The following YTHDF2 variants were observed in gnomAD, a reference collection of about 807,000 sequenced individuals.
The protein encoded by YTHDF2 is YTH N6-methyladenosine RNA binding protein F2, also known as YTH domain-containing family protein 2.
Under a neutral mutation model 50.4 loss-of-function variants are expected in YTHDF2, and 2 were observed. The observed-to-expected ratio is 0.04, with a 90% confidence interval of 0.02 to 0.12. The LOEUF (loss-of-function observed/expected upper bound fraction) is 0.12, where lower values mean the gene tolerates loss of function less well. Ranked by LOEUF, YTHDF2 falls within the 10% of genes least tolerant of loss-of-function variation. The pLI is 1.00. For synonymous variants in YTHDF2, 217 were observed against 255.6 expected (o/e 0.85, Z 1.44); for missense variants, 483 against 722.6 (o/e 0.67, Z 3.80).
chr1:28,751,454 A>AT (rs1190002526), intron 4 of YTHDF2, among the ~76,000 whole-genome samples: 1 of 152,134 alleles, frequency 6.6e-6, no homozygotes, highest in African/African-American at 2.4e-5. Context: ...AAACATGAGC[A>AT]TTTTTTGTAA....
chr1:28,742,206 G>A (rs1414980641), intron 3 of YTHDF2, among the ~76,000 whole-genome samples, 197 bp from the exon 4 acceptor site: 1 of 151,960 alleles, frequency 6.6e-6, no homozygotes, highest in Admixed American at 6.6e-5. Context: ...TGTTGGCCAG[G>A]TTGGTCTCGA....
rs574816973 is a variant in YTHDF2, at chr1:28,742,281, C to T, written c.133-122C>T. On this transcript the variant is annotated intron_variant, in intron 3 of 4. Transcript: ENST00000373812. ...AAGTGTAGGGATTACAGGTGTGAGC[C>T]ACCGCGTCCGGCCTGCACACTCCTT... The T allele has an allele frequency of 4.9e-5, 64 of 1,293,500 alleles. No individual in the cohort carries two copies. The African/African-American group carries it at 9.1e-4, about 18-fold the overall frequency. The allele number at this position is 1,293,500 out of a possible 1,614,324, so 80.1% of individuals were successfully genotyped here.
At chr1:28,767,005 ATT>A (rs549118209) in intron 4 of YTHDF2, among the ~76,000 whole-genome samples, 8 of 131,820 alleles carry the variant, frequency 6.1e-5, no homozygotes, top group Admixed American at 2.3e-4. Flanking sequence ...TAATTAAAAG[ATT>A]TTTTTTTTTT....
rs1055752279 is a variant in YTHDF2 at position 28,758,642 on chromosome 1, C to T, written c.1717-10287C>T. On this transcript the variant is annotated intron_variant, in intron 4 of 4. Transcript: ENST00000373812. ...GTAAACAGTTCTGGATAATGCACAGCGACAGGTTATCATAAGTAGGACCGT... is the reference window on the plus strand; with the variant it reads ...GTAAACAGTTCTGGATAATGCACAGTGACAGGTTATCATAAGTAGGACCGT... 4.6e-5 allele frequency among the ~76,000 whole-genome samples: 7 copies of T among 152,190 alleles called. No homozygotes were observed. The East Asian group carries it at 5.8e-4, about 13-fold the overall frequency.
intron 4 of YTHDF2, 104 bp downstream of exon 4, chr1:28,744,090 C>T (rs924861671): frequency 3.3e-6 from 4 of 1,219,538 alleles, no homozygotes; most frequent in Admixed American, 3.8e-5. Context: ...TAAATGAATA[C>T]AGTATCACCT....
chr1:28,745,717 T>TCCCCCCC (rs1485365174), intron 4 of YTHDF2, among the ~76,000 whole-genome samples: 29 of 28,546 alleles, frequency 1.0e-3, no homozygotes, highest in South Asian at 2.2e-3. Flanking sequence ...AACTCCCATC[T>TCCCCCCC]CCCCCCGCCC....
chr1:28,763,429 A>G (rs1570480584), intron 4 of YTHDF2, among the ~76,000 whole-genome samples: 1 of 152,010 alleles, frequency 6.6e-6, no homozygotes, highest in Non-Finnish European at 1.5e-5. Flanking sequence ...GCCTGACACC[A>G]GGGCTGGCTA....
chr1:28,768,021 T>C (rs1414356460), intron 4 of YTHDF2, among the ~76,000 whole-genome samples: 1 of 148,490 alleles, frequency 6.7e-6, no homozygotes, highest in Non-Finnish European at 1.5e-5. Flanking sequence ...GCCAACATGG[T>C]GAAACCCCGT....
At chr1:28,738,588 G>C (rs1237412652) in intron 3 of YTHDF2, among the ~76,000 whole-genome samples, 2 of 152,128 alleles carry the variant, frequency 1.3e-5, no homozygotes, top group African/African-American at 2.4e-5. Context: ...GGGATTACAC[G>C]TGTGCACCAC....
intron 4 of YTHDF2, among the ~76,000 whole-genome samples, chr1:28,744,809 C>T (rs1475775997): frequency 6.6e-6 from 1 of 152,078 alleles, no homozygotes; most frequent in Non-Finnish European, 1.5e-5. Flanking sequence ...GCTGGGATCA[C>T]AGTCATGCAC....
In YTHDF2 at chr1:28,750,612, C is replaced by T. The variant is rs554399720; in HGVS notation, c.1716+6626C>T. ...GAAAGGTTGTTTCATAATTTCTGAC[C>T]GAAGTATTTGTTACACGTAAAATAA... is the stretch of plus-strand genomic sequence containing the variant. On this transcript the variant is annotated intron_variant, in intron 4 of 4. Coordinates refer to ENST00000373812, the MANE Select transcript of YTHDF2 (RefSeq NM_016258.3). Among the ~76,000 whole-genome samples the T allele has an allele frequency of 3.3e-5, 5 of 152,082 alleles. No homozygotes were observed. The East Asian group carries it at 5.8e-4, about 18-fold the overall frequency.
At chr1:28,752,340 C>T (rs1183930430) in intron 4 of YTHDF2, among the ~76,000 whole-genome samples, 2 of 152,066 alleles carry the variant, frequency 1.3e-5, no homozygotes, top group Non-Finnish European at 2.9e-5. Context: ...ACTTGTTGCC[C>T]AGGCTGGAGT....
rs1300550269 is a variant in YTHDF2 at position 28,743,205 on chromosome 1, A to G, written c.935A>G (p.Asn312Ser). Reference sequence around the variant, plus strand: ...CCTCAGCCTGTAGGTCAGCAGGCTAACAATAGCCCACCAGTGGCTCAGGCA... The same window carrying G: ...CCTCAGCCTGTAGGTCAGCAGGCTAGCAATAGCCCACCAGTGGCTCAGGCA... ...GSPQPVGQQA[N>S]NSPPVAQASV... Residue 312 changes from asparagine to serine, a missense_variant, in exon 4 of 5, where the codon AAC (asparagine) becomes AGC (serine). Physicochemically the swap from Asn to Ser is conservative, Grantham distance 46. Coordinates refer to ENST00000373812, the MANE Select transcript of YTHDF2 (RefSeq NM_016258.3). This position sits in a 1 kb window ranked among gnomAD's most constrained non-coding sequence, Gnocchi z 6.9. The G allele has an allele frequency of 6.2e-7, 1 of 1,614,088 alleles. No homozygotes were observed. Among genetic ancestry groups the G allele is most frequent in the African/African-American group, 1.3e-5 (1 of 74,944 alleles).
chr1:28,766,197 C>T (rs2088213180), intron 4 of YTHDF2, among the ~76,000 whole-genome samples: 2 of 152,144 alleles, frequency 1.3e-5, no homozygotes, highest in Admixed American at 1.3e-4. Flanking sequence ...CTTCATCTCC[C>T]CGGGCTTAAG....
At chr1:28,754,303 A>G (rs754553323) in intron 4 of YTHDF2, among the ~76,000 whole-genome samples, 20 of 152,208 alleles carry the variant, frequency 1.3e-4, no homozygotes, top group Non-Finnish European at 2.6e-4. Flanking sequence ...CAAGGTTGGC[A>G]GGTCATTTGA....
chr1:28,750,093 C>T (rs755336218), intron 4 of YTHDF2, among the ~76,000 whole-genome samples: 4 of 139,344 alleles, frequency 2.9e-5, no homozygotes, highest in African/African-American at 5.4e-5. Flanking sequence ...CAGGTTCAAG[C>T]GATTCTCCTG....
chr1:28,741,971 C>T (rs1011443457), intron 3 of YTHDF2, among the ~76,000 whole-genome samples: 1 of 151,824 alleles, frequency 6.6e-6, no homozygotes, highest in Non-Finnish European at 1.5e-5. Context: ...TTAAACATTT[C>T]AGTTATTACA....
intron 4 of YTHDF2, among the ~76,000 whole-genome samples, chr1:28,750,452 A>G (rs1197670345): frequency 1.3e-5 from 2 of 152,212 alleles, no homozygotes; most frequent in Non-Finnish European, 2.9e-5. Flanking sequence ...AAACTAAACT[A>G]GGGATGTTGT....
chr1:28,736,954 T>TCGGAGC lies in YTHDF2; in HGVS notation c.-159_-154dup, dbSNP rs1349683230. On this transcript the variant is annotated 5_prime_UTR_variant, in exon 1 of 5. Transcript: ENST00000373812. ...GCTCTTGGGCTAGAGCGTCGCCGAGTCGGAGCCGGAGCCTGAGCCGCGCGC... is the reference window on the plus strand; with the variant it reads ...GCTCTTGGGCTAGAGCGTCGCCGAGTCGGAGCCGGAGCCGGAGCCTGAGCCGCGCGC... The TCGGAGC allele has an allele frequency of 2.0e-4, 154 of 775,400 alleles. No homozygotes were observed. The Middle Eastern group carries it at 3.4e-3, about 17-fold the overall frequency. The allele number at this position is 775,400 out of a possible 1,614,324, so 48.0% of individuals were successfully genotyped here.
Sources: gnomAD v4.1 joint callset for allele counts (sites outside exome capture counted in the v4.1 genomes callset) on GRCh38, gnomAD v4.1.1 for gene constraint, Gnocchi (gnomAD v3.1) non-coding constraint, MANE v1.5 for transcripts, NCBI Gene and HGNC (gene_info 2026-07-23, HGNC 2026-07-21) for gene names.